The following CASZ1 variants were observed in gnomAD, a reference collection of about 807,000 sequenced individuals.
CASZ1 encodes the protein zinc finger protein castor homolog 1.
Under a neutral mutation model 135.2 loss-of-function variants are expected in CASZ1, and 28 were observed. That is an observed-to-expected ratio of 0.21 (90% CI 0.15 to 0.28). The LOEUF is 0.28. CASZ1 is among the 10% of genes least tolerant of loss of function. The pLI, the probability that CASZ1 is intolerant of heterozygous loss-of-function variation, is 1.00. For missense variants in CASZ1, 2,161 were observed against 2,453.3 expected, an observed-to-expected ratio of 0.88 and a Z score of 2.52; for synonymous variants, 1,068 against 1,073.4, an observed-to-expected ratio of 0.99 and a Z score of 0.10.
intron 3 of CASZ1, among the ~76,000 whole-genome samples, chr1:10,698,586 C>T (rs185303432): frequency 6.6e-6 from 1 of 152,304 alleles, no homozygotes; most frequent in East Asian, 1.9e-4. Context: ...GAAAAATGCC[C>T]TCTTCTCTGT....
chr1:10,716,832 G>A (rs1231582106), intron 2 of CASZ1, among the ~76,000 whole-genome samples: 1 of 152,216 alleles, frequency 6.6e-6, no homozygotes, highest in Non-Finnish European at 1.5e-5. Context: ...TCCCCCAAAG[G>A]CTTTCTCAAG....
intron 1 of CASZ1, among the ~76,000 whole-genome samples, chr1:10,793,199 A>ATTGT (rs1640994882): frequency 6.7e-6 from 1 of 149,126 alleles, no homozygotes; most frequent in East Asian, 2.0e-4. Flanking sequence ...TTTTTAAAAG[A>ATTGT]TTGGACTCTT....
chr1:10,644,857 C>T (rs1034533812), intron 18 of CASZ1, 60 bp downstream of exon 18: 25 of 1,544,192 alleles, frequency 1.6e-5, no homozygotes, highest in Middle Eastern at 2.0e-4. Context: ...GCCCAGGCCA[C>T]GGGGGCCATG....
rs914815133 is a variant in CASZ1, at chr1:10,711,588, A to C, written c.-76-6044T>G. On this transcript the variant is annotated intron_variant, in intron 2 of 20. Transcript: ENST00000377022. The surrounding 1 kb of genome is among the most constrained non-coding windows in gnomAD (Gnocchi z 4.4). Reference sequence around the variant, plus strand: ...GAAAAAATGGAAAACAGGTACTCAAAAAAAAAAAAAAAAGAAAAACAAACA... The same window carrying C: ...GAAAAAATGGAAAACAGGTACTCAACAAAAAAAAAAAAAGAAAAACAAACA... Among the ~76,000 whole-genome samples, 2 of 150,180 alleles carry C rather than the reference A, an allele frequency of 1.3e-5. No individual in the cohort carries two copies. Among genetic ancestry groups the C allele is most frequent in the African/African-American group, 2.4e-5 (1 of 41,160 alleles).
intron 2 of CASZ1, among the ~76,000 whole-genome samples, chr1:10,715,994 TC>T (rs1639382381): frequency 2.5e-5 from 1 of 39,890 alleles, no homozygotes; most frequent in Admixed American, 2.9e-4. Flanking sequence ...CCCAATCCGC[TC>T]CCCACAGCAC....
chr1:10,794,947 G>T lies in CASZ1; in HGVS notation c.-234+1617C>A, dbSNP rs1641036287. ...CCCAGCGCGCCTCTGCCCGCACCTC[G>T]CCACCCCGGCGGCCGCCCCCTCCCC... is the stretch of plus-strand genomic sequence containing the variant. On this transcript the variant is annotated intron_variant, in intron 1 of 20. Coordinates refer to ENST00000377022, the MANE Select transcript of CASZ1 (RefSeq NM_001079843.3). This position sits in a 1 kb window ranked among gnomAD's most constrained non-coding sequence, Gnocchi z 5.6. 6.6e-6 allele frequency among the ~76,000 whole-genome samples: 1 copy of T among 150,586 alleles called. No homozygotes were observed. Among genetic ancestry groups the T allele is most frequent in the South Asian group, 2.1e-4 (1 of 4,794 alleles).
chr1:10,669,447 A>G (rs1488377089), intron 4 of CASZ1, among the ~76,000 whole-genome samples: 1 of 152,232 alleles, frequency 6.6e-6, no homozygotes, highest in African/African-American at 2.4e-5. Context: ...TGATATTTAT[A>G]AATATTCAAA....
intron 1 of CASZ1, among the ~76,000 whole-genome samples, chr1:10,784,172 C>A (rs757184851): frequency 3.9e-5 from 6 of 152,190 alleles, no homozygotes; most frequent in Admixed American, 6.5e-5. Context: ...AGGAAACCTG[C>A]AGCAGAATCA....
chr1:10,732,780 G>A (rs765610746), intron 2 of CASZ1, among the ~76,000 whole-genome samples: 40 of 152,200 alleles, frequency 2.6e-4, no homozygotes, highest in Non-Finnish European at 4.4e-4. Flanking sequence ...ATCCAGGTGA[G>A]GTAACACTGC....
rs918685289 is a variant in CASZ1 at position 10,636,669 on chromosome 1, AAAATC to A, written c.*2268_*2272del. 3.3e-5 allele frequency: 5 copies of A among 152,416 alleles called. No individual in the cohort carries two copies. Among genetic ancestry groups the A allele is most frequent in the Admixed American group, 6.5e-5 (1 of 15,280 alleles). The allele number at this position is 152,416 out of a possible 1,614,324, so 9.4% of individuals were successfully genotyped here. A position where few individuals can be genotyped will look rare whatever the true frequency, so the allele number is the denominator to read the frequency against. ...CATCAGTCATGCAAAAAAAAAAAAA[AAAATC>A]AAATAAATAAAACACATATATTAAA... is the stretch of plus-strand genomic sequence containing the variant. On this transcript the variant is annotated 3_prime_UTR_variant, in exon 21 of 21. Transcript: ENST00000377022.
Position 10,726,433 on chromosome 1 carries a change from C to T in CASZ1, c.-76-20889G>A, listed in dbSNP as rs1639598679. 6.6e-6 allele frequency among the ~76,000 whole-genome samples: 1 copy of T among 152,234 alleles called. No homozygotes were observed. Among genetic ancestry groups the T allele is most frequent in the African/African-American group, 2.4e-5 (1 of 41,466 alleles). ...AAATACTCATGGCCATCACAGTCCTCCTGGCTGGAGCCGGAGGGAGGAGGA... is the reference window on the plus strand; with the variant it reads ...AAATACTCATGGCCATCACAGTCCTTCTGGCTGGAGCCGGAGGGAGGAGGA... On this transcript the variant is annotated intron_variant, in intron 2 of 20. Transcript: ENST00000377022. The surrounding 1 kb of genome is among the most constrained non-coding windows in gnomAD (Gnocchi z 5.7).
At position 10,759,901 on chromosome 1, in the gene CASZ1, A is replaced by G. The variant is rs933955785; in HGVS notation, c.-77+800T>C. On this transcript the variant is annotated intron_variant, in intron 2 of 20. Transcript: ENST00000377022. The surrounding 1 kb of genome is among the most constrained non-coding windows in gnomAD (Gnocchi z 4.2). The stretch of plus-strand genomic sequence containing the variant: ...TGCCCGTGAACTTCGCAAACACCCA[A>G]TCCCTCTGGACTGGTTTCCTTGGGA... Among the ~76,000 whole-genome samples the G allele has an allele frequency of 2.6e-5, 4 of 152,020 alleles. No homozygotes were observed. The highest frequency in any genetic ancestry group is 9.7e-5 in the African/African-American group (4 of 41,386).
chr1:10,665,036 C>G, intron 5 of CASZ1, 47 bp downstream of exon 5: 3 of 1,482,908 alleles, frequency 2.0e-6, no homozygotes, highest in Non-Finnish European at 2.7e-6. Flanking sequence ...TCCCCACTGG[C>G]CTCCCTGTCC....
At chr1:10,758,932 C>T (rs757744875) in intron 2 of CASZ1, among the ~76,000 whole-genome samples, 3 of 152,158 alleles carry the variant, frequency 2.0e-5, no homozygotes, top group Non-Finnish European at 4.4e-5. Flanking sequence ...CCAAGACAGC[C>T]GATGCTAGGA....
chr1:10,669,374 C>A (rs564721522), intron 4 of CASZ1, among the ~76,000 whole-genome samples: 2 of 152,282 alleles, frequency 1.3e-5, no homozygotes, highest in East Asian at 3.9e-4. Context: ...AACACGGAGC[C>A]CCTTAAAGTG....
At position 10,735,128 on chromosome 1, in the gene CASZ1, A is replaced by G. The variant is rs893530647; in HGVS notation, c.-77+25573T>C. On this transcript the variant is annotated intron_variant, in intron 2 of 20. Transcript: ENST00000377022. The surrounding 1 kb of genome is among the most constrained non-coding windows in gnomAD (Gnocchi z 5.1). ...CTTAGCAACCTAATTGCATCAGTACATTGCACACAGGAGCCAAAGTAACTG... is the reference window on the plus strand; with the variant it reads ...CTTAGCAACCTAATTGCATCAGTACGTTGCACACAGGAGCCAAAGTAACTG... Among the ~76,000 whole-genome samples the G allele has an allele frequency of 6.6e-6, 1 of 152,222 alleles. No homozygotes were observed. The highest frequency in any genetic ancestry group is 1.5e-5 in the Non-Finnish European group (1 of 68,050).
intron 2 of CASZ1, among the ~76,000 whole-genome samples, chr1:10,754,181 A>G (rs952575751): frequency 1.4e-4 from 22 of 152,200 alleles, no homozygotes; most frequent in African/African-American, 5.3e-4. Flanking sequence ...ATCTAAAATG[A>G]CAAACCATCC....
chr1:10,658,201 C>T (rs1011065930), intron 7 of CASZ1: 22 of 368,188 alleles, frequency 6.0e-5, no homozygotes, highest in Non-Finnish European at 1.1e-4. Flanking sequence ...TGTGTGACAG[C>T]AGGACCCAGG....
intron 7 of CASZ1, 142 bp from the exon 8 acceptor site, chr1:10,656,878 A>C: frequency 1.6e-6 from 1 of 629,644 alleles, no homozygotes; most frequent in South Asian, 1.8e-5. Context: ...CAGGCAAGTG[A>C]CTGGGCCTGG....
Sources: allele counts gnomAD v4.1 joint callset (sites outside exome capture counted in the v4.1 genomes callset), GRCh38; gene constraint gnomAD v4.1.1; non-coding constraint Gnocchi (gnomAD v3.1); transcripts MANE v1.5; gene names NCBI Gene and HGNC (gene_info 2026-07-23, HGNC 2026-07-21).